The following DIP2C variants were observed in gnomAD, a reference collection of about 807,000 sequenced individuals.
DIP2C encodes DIP2 acetate--CoA ligase C (putative), also known as disco-interacting protein 2 homolog C.
Under a neutral mutation model 192.4 loss-of-function variants are expected in DIP2C, and 33 were observed. The observed-to-expected ratio is 0.17, with a 90% CI of 0.13 to 0.23. The LOEUF (loss-of-function observed/expected upper bound fraction) is 0.23, where lower values mean the gene tolerates loss of function less well. Among genes scored for constraint, DIP2C ranks in the 10% least tolerant of loss-of-function variants. DIP2C has a pLI of 1.00. For synonymous variants in DIP2C, 979 were observed against 864.1 expected (o/e 1.13, Z -2.33); for missense variants, 1,537 against 2,110.1 (o/e 0.73, Z 5.32).
chr10:297,621 AGAT>A (rs1403785399), intron 32 of DIP2C, among the ~76,000 whole-genome samples: 1 of 152,244 alleles, frequency 6.6e-6, no homozygotes, highest in Non-Finnish European at 1.5e-5. Context: ...AGCTAAAGAA[AGAT>A]GATTTCATAG....
intron 1 of DIP2C, among the ~76,000 whole-genome samples, chr10:671,773 C>T (rs1275594701): frequency 1.2e-4 from 13 of 111,904 alleles, no homozygotes; most frequent in South Asian, 3.4e-4. Context: ...GGAGGAAACG[C>T]CACAGACGCA....
intron 31 of DIP2C, among the ~76,000 whole-genome samples, chr10:318,512 G>A (rs1471898355): frequency 6.6e-6 from 1 of 152,238 alleles, no homozygotes; most frequent in African/African-American, 2.4e-5. Flanking sequence ...ACAAGCTGCT[G>A]CACAAGCGGT....
intron 2 of DIP2C, among the ~76,000 whole-genome samples, chr10:473,918 C>G (rs1235870459): frequency 6.6e-6 from 1 of 152,148 alleles, no homozygotes; most frequent in African/African-American, 2.4e-5. Context: ...GTGTGTGGGT[C>G]TCATGTATCA....
intron 1 of DIP2C, among the ~76,000 whole-genome samples, chr10:550,786 T>A (rs1848542320): frequency 6.6e-6 from 1 of 152,142 alleles, no homozygotes; most frequent in South Asian, 2.1e-4. Flanking sequence ...TAAACAAGCA[T>A]CCCTTGACCA....
chr10:576,919 T>TA (rs983081552), intron 1 of DIP2C, among the ~76,000 whole-genome samples: 1,478 of 144,880 alleles, frequency 0.01, 20 homozygotes, highest in East Asian at 0.053. Flanking sequence ...TTCTGTCTAA[T>TA]AAAAAAAAAA....
rs760341835 is a variant in DIP2C at position 422,826 on chromosome 10, A to G, written c.602T>C (p.Ile201Thr). 5.0e-6 allele frequency: 8 copies of G among 1,611,356 alleles called. No homozygotes were observed. The highest frequency in any genetic ancestry group is 6.8e-6 in the Non-Finnish European group (8 of 1,179,782). ...AAGACACCGTGAAGCGTGCTCACCT[A>G]TGTGGGTCTGAGCCATGACGTCCGC... ...RLADVMAQTH[I>T]ENHSAPPDVT... Residue 201 changes from isoleucine to threonine, a missense_variant and splice_region_variant, in exon 5 of 37, where the codon ATA (isoleucine) becomes ACA (threonine). Around this residue, in one of 4 missense-constraint regions of DIP2C, gnomAD observed 473 missense variants for 539.6 expected, o/e 0.88. Coordinates refer to ENST00000280886, the MANE Select transcript of DIP2C (RefSeq NM_014974.3).
At chr10:607,795 CAATTTATAATCTTCAAAATGTTAAACTAA>C (rs1357376040) in intron 1 of DIP2C, among the ~76,000 whole-genome samples, 1 of 152,020 alleles carries the variant, frequency 6.6e-6, no homozygotes, top group East Asian at 1.9e-4. Flanking sequence ...ACAAGAATCA[CAATTTATAATCTTCAAAATGTTAAACTAA>C]AATTAGTTTA....
At chr10:442,579 C>G (rs1174999351) in intron 3 of DIP2C, among the ~76,000 whole-genome samples, 1 of 152,146 alleles carries the variant, frequency 6.6e-6, no homozygotes, top group Non-Finnish European at 1.5e-5. Flanking sequence ...ATCTGCAAGA[C>G]CAGTGTAGAG....
intron 4 of DIP2C, among the ~76,000 whole-genome samples, chr10:433,412 C>T (rs999894145): frequency 6.6e-6 from 1 of 152,206 alleles, no homozygotes; most frequent in East Asian, 1.9e-4. Context: ...GGCAGTGGCT[C>T]ATGCCTGTAA....
intron 1 of DIP2C, among the ~76,000 whole-genome samples, chr10:631,612 C>T (rs993955487): frequency 2.6e-4 from 40 of 152,146 alleles, no homozygotes; most frequent in African/African-American, 7.0e-4. Context: ...AAAGGAAACG[C>T]TAAAGATTGT....
intron 7 of DIP2C, 34 bp downstream of exon 7, chr10:415,735 T>A: frequency 6.2e-7 from 1 of 1,611,578 alleles, no homozygotes; most frequent in Non-Finnish European, 8.5e-7. Flanking sequence ...CATAGGAGCA[T>A]CTGGAAGAAA....
chr10:568,418 A>C (rs17159676), intron 1 of DIP2C, among the ~76,000 whole-genome samples: 9,660 of 152,260 alleles, frequency 0.063, 394 homozygotes, highest in African/African-American at 0.095. Flanking sequence ...GAATCATCCA[A>C]GATCAGTAGA....
Position 606,184 on chromosome 10 carries a change from C to T in DIP2C, c.85+83310G>A, listed in dbSNP as rs182869741. ...TCCTCAGAACGAGTCCTGCATAAAC[C>T]CTGGGCTGGGGTGCCAGCCACGGCC... On this transcript the variant is annotated intron_variant, in intron 1 of 36. Transcript: ENST00000280886. Among the ~76,000 whole-genome samples the T allele has an allele frequency of 2.3e-3, 349 of 152,360 alleles. 4 individuals carry two copies. Among genetic ancestry groups the T allele is most frequent in the African/African-American group, 7.8e-3 (325 of 41,580 alleles).
chr10:383,962 CGAA>C, intron 16 of DIP2C, 62 bp downstream of exon 16: 1 of 1,230,482 alleles, frequency 8.1e-7, no homozygotes, highest in Non-Finnish European at 1.0e-6. Context: ...GCCTGCCTCA[CGAA>C]AAAAAAAAAA....
intron 1 of DIP2C, among the ~76,000 whole-genome samples, chr10:579,693 G>C (rs879459190): frequency 1.1e-4 from 17 of 151,954 alleles, no homozygotes; most frequent in Admixed American, 5.2e-4. Context: ...AGTATAACAT[G>C]TATGTACACA....
intron 1 of DIP2C, among the ~76,000 whole-genome samples, chr10:499,968 G>A (rs904557642): frequency 1.8e-4 from 28 of 152,216 alleles, no homozygotes; most frequent in Admixed American, 3.9e-4. Context: ...CAATGGGACT[G>A]GGGAAGGGGC....
chr10:665,809 G>T (rs1019375879), intron 1 of DIP2C: 1 of 151,960 alleles, frequency 6.6e-6, no homozygotes, highest in Admixed American at 6.6e-5. Context: ...ATACGAGATC[G>T]AAAGGAAAAC....
At chr10:606,007 C>G (rs897320020) in intron 1 of DIP2C, among the ~76,000 whole-genome samples, 1 of 152,208 alleles carries the variant, frequency 6.6e-6, no homozygotes, top group East Asian at 1.9e-4. Context: ...CTGTAAGACT[C>G]TCTGCAGCCC....
intron 5 of DIP2C, among the ~76,000 whole-genome samples, chr10:419,426 C>A (rs376804857): frequency 6.6e-6 from 1 of 152,194 alleles, no homozygotes; most frequent in African/African-American, 2.4e-5. Flanking sequence ...AAACCTCAGA[C>A]GTAATTTCCT....
Sources: gnomAD v4.1 joint callset for allele counts (sites outside exome capture counted in the v4.1 genomes callset) on GRCh38, gnomAD v4.1.1 for gene constraint, gnomAD v4.1.1 regional missense constraint, MANE v1.5 for transcripts, NCBI Gene and HGNC (gene_info 2026-07-23, HGNC 2026-07-21) for gene names.